The following VAT1L variants were observed in gnomAD, a reference collection of about 807,000 sequenced individuals.
VAT1L encodes the protein putative NADPH-dependent quinone oxidoreductase VAT1L.
VAT1L carries 34 observed loss-of-function variants against 44.1 expected under a neutral mutation model. The observed-to-expected ratio is 0.77, with a 90% confidence interval of 0.59 to 1.03. The LOEUF is 1.03. Ranked by LOEUF, VAT1L falls within the 50% of genes least tolerant of loss-of-function variation. The pLI, the probability that VAT1L is intolerant of heterozygous loss-of-function variation, is 0.00. For missense variants in VAT1L, 615 were observed against 538.8 expected, an observed-to-expected ratio of 1.14 and a Z score of -1.40; for synonymous variants, 253 against 202.2, an observed-to-expected ratio of 1.25 and a Z score of -2.13.
Position 77,905,733 on chromosome 16 carries a change from T to C in VAT1L, c.1077+20931T>C, listed in dbSNP as rs1458323951. ...TGCTTTGCAAATATGACTCACTGTC[T>C]CTGACTTTCATCACCTGTGTTTGTG... On this transcript the variant is annotated intron_variant, in intron 7 of 8. Coordinates refer to ENST00000302536, the MANE Select transcript of VAT1L (RefSeq NM_020927.3). Among the ~76,000 whole-genome samples the C allele has an allele frequency of 3.2e-4, 48 of 152,232 alleles. 2 individuals are homozygous for C. The highest frequency in any genetic ancestry group is 3.1e-3 in the Admixed American group (47 of 15,282).
chr16:77,859,889 A>G (rs758252846), intron 3 of VAT1L, among the ~76,000 whole-genome samples: 5 of 152,104 alleles, frequency 3.3e-5, no homozygotes, highest in Non-Finnish European at 5.9e-5. Context: ...CCAAATTCAT[A>G]TGTTGAAGCC....
chr16:77,960,738 A>G (rs16946911), intron 7 of VAT1L, among the ~76,000 whole-genome samples: 5 of 152,108 alleles, frequency 3.3e-5, no homozygotes, highest in African/African-American at 1.2e-4. Flanking sequence ...TTGATAACCA[A>G]GACCCCAAGG....
intron 4 of VAT1L, among the ~76,000 whole-genome samples, chr16:77,867,766 G>A (rs1304827887): frequency 6.6e-6 from 1 of 151,848 alleles, no homozygotes; most frequent in Non-Finnish European, 1.5e-5. Flanking sequence ...GGCTGAGACA[G>A]GAGAATTGCT....
intron 5 of VAT1L, among the ~76,000 whole-genome samples, chr16:77,877,525 A>AC: frequency 1.3e-5 from 1 of 75,400 alleles, no homozygotes; most frequent in Non-Finnish European, 3.0e-5. Context: ...AAAAAAAAAA[A>AC]AAAAAAAAAA....
In VAT1L at chr16:77,915,509, A is replaced by G. The variant is rs555240230; in HGVS notation, c.1077+30707A>G. ...TATATGACATTGTTTAGTGTAGGGAAATGTCACAGAAGGCCTGTGAGTTGG... is the reference window on the plus strand; with the variant it reads ...TATATGACATTGTTTAGTGTAGGGAGATGTCACAGAAGGCCTGTGAGTTGG... On this transcript the variant is annotated intron_variant, in intron 7 of 8. Coordinates refer to ENST00000302536, the MANE Select transcript of VAT1L (RefSeq NM_020927.3). Among the ~76,000 whole-genome samples the G allele has an allele frequency of 3.3e-5, 5 of 152,344 alleles. No homozygotes were observed. The East Asian group carries it at 9.6e-4, about 29-fold the overall frequency.
intron 7 of VAT1L, among the ~76,000 whole-genome samples, chr16:77,971,222 A>G (rs1370458806): frequency 6.6e-6 from 1 of 152,138 alleles, no homozygotes; most frequent in Non-Finnish European, 1.5e-5. Context: ...TTCTGCCACA[A>G]ACTTACCGTT....
intron 7 of VAT1L, among the ~76,000 whole-genome samples, chr16:77,901,741 C>T (rs1211649248): frequency 6.6e-6 from 1 of 152,152 alleles, no homozygotes; most frequent in Non-Finnish European, 1.5e-5. Context: ...CACTCCCACT[C>T]AATCAGAGAA....
In VAT1L at chr16:77,881,086, C is replaced by T. The variant is rs138795607; in HGVS notation, c.882+1862C>T. On this transcript the variant is annotated intron_variant, in intron 6 of 8. Coordinates refer to ENST00000302536, the MANE Select transcript of VAT1L (RefSeq NM_020927.3). ...GGGTGCATGTGTCCTTTTGATAGAA[C>T]GATTTACTTTCTTTTGGATATATAC... Among the ~76,000 whole-genome samples the T allele has an allele frequency of 3.3e-3, 497 of 152,242 alleles. 3 individuals carry two copies. The highest frequency in any genetic ancestry group is 0.011 in the African/African-American group (465 of 41,544).
chr16:77,811,417 CA>C (rs913677206), intron 1 of VAT1L, among the ~76,000 whole-genome samples: 4 of 150,960 alleles, frequency 2.6e-5, no homozygotes, highest in Middle Eastern at 3.4e-3. Flanking sequence ...TTAGCATATC[CA>C]AAAAAAAATT....
chr16:77,857,098 G>T (rs1381435978), intron 3 of VAT1L, among the ~76,000 whole-genome samples: 1 of 152,222 alleles, frequency 6.6e-6, no homozygotes, highest in Non-Finnish European at 1.5e-5. Context: ...GAAGAGAAGG[G>T]CAGATGTGGT....
intron 2 of VAT1L, among the ~76,000 whole-genome samples, chr16:77,821,474 G>C (rs1169443136): frequency 1.3e-5 from 2 of 151,956 alleles, no homozygotes; most frequent in Non-Finnish European, 2.9e-5. Context: ...TGTATTTTTA[G>C]TAGAGAAAGA....
chr16:77,924,169 G>A (rs1341214545), intron 7 of VAT1L, among the ~76,000 whole-genome samples: 1 of 152,032 alleles, frequency 6.6e-6, no homozygotes, highest in Non-Finnish European at 1.5e-5. Context: ...AGACACCCCC[G>A]AGTCAATGTT....
intron 1 of VAT1L, among the ~76,000 whole-genome samples, chr16:77,806,572 T>C (rs2016163901): frequency 6.6e-6 from 1 of 151,610 alleles, no homozygotes; most frequent in South Asian, 2.1e-4. Flanking sequence ...CTCGATTTCC[T>C]GACCTCGTGA....
At chr16:77,875,830 A>T (rs2017081876) in intron 4 of VAT1L, among the ~76,000 whole-genome samples, 1 of 152,134 alleles carries the variant, frequency 6.6e-6, no homozygotes, top group Non-Finnish European at 1.5e-5. Context: ...TTTCACTGTA[A>T]AGGGAGGTTA....
At chr16:77,894,548 C>G (rs1218393116) in intron 7 of VAT1L, among the ~76,000 whole-genome samples, 1 of 152,052 alleles carries the variant, frequency 6.6e-6, no homozygotes, top group Non-Finnish European at 1.5e-5. Flanking sequence ...TTGCCTAGGT[C>G]TGGGGGACTT....
At chr16:77,791,108 G>T (rs953563202) in intron 1 of VAT1L, among the ~76,000 whole-genome samples, 2 of 152,188 alleles carry the variant, frequency 1.3e-5, no homozygotes, top group Non-Finnish European at 2.9e-5. Flanking sequence ...GATTGTAATA[G>T]GCTTGTAAAT....
At chr16:77,940,967 G>T (rs1220423672) in intron 7 of VAT1L, among the ~76,000 whole-genome samples, 1 of 152,154 alleles carries the variant, frequency 6.6e-6, no homozygotes, top group Non-Finnish European at 1.5e-5. Context: ...CAAAGAGGGA[G>T]CAGGCTTCAA....
chr16:77,909,637 A>C (rs1329267339), intron 7 of VAT1L, among the ~76,000 whole-genome samples: 1 of 3,100 alleles, frequency 3.2e-4, no homozygotes, highest in East Asian at 0.01. Flanking sequence ...ACTCTGTCTC[A>C]AAAAAAAAAA....
chr16:77,904,832 T>A (rs781357628), intron 7 of VAT1L, among the ~76,000 whole-genome samples: 14 of 129,178 alleles, frequency 1.1e-4, no homozygotes, highest in Non-Finnish European at 2.2e-4. Flanking sequence ...GTAAGAAAAA[T>A]TTTTTTTCAA....
Sources: gnomAD v4.1 joint callset for allele counts (sites outside exome capture counted in the v4.1 genomes callset) on GRCh38, gnomAD v4.1.1 for gene constraint, MANE v1.5 for transcripts, NCBI Gene and HGNC (gene_info 2026-07-23, HGNC 2026-07-21) for gene names.